TACR3: variants seen among roughly 807,000 people sequenced by gnomAD.
TACR3 encodes the protein neuromedin-K receptor.
A neutral mutation model predicts 35.0 loss-of-function variants in TACR3; 34 were observed. The observed-to-expected ratio is 0.97, with a 90% CI of 0.74 to 1.30. The LOEUF (loss-of-function observed/expected upper bound fraction) is 1.30. TACR3 is among the 50% of genes most tolerant of loss of function. The pLI is 0.00. For synonymous variants in TACR3, 233 were observed against 221.1 expected (o/e 1.05, Z -0.48); for missense variants, 558 against 591.7 (o/e 0.94, Z 0.59).
intron 3 of TACR3, among the ~76,000 whole-genome samples, chr4:103,650,671 TATATATTATATC>T (rs1725579025): frequency 6.2e-5 from 1 of 16,004 alleles, no homozygotes; most frequent in African/African-American, 3.3e-4. Context: ...TATAAATAAA[TATATATTATATC>T]ATATATAATA....
At chr4:103,639,296 A>G (rs551777078) in intron 3 of TACR3, among the ~76,000 whole-genome samples, 7 of 152,256 alleles carry the variant, frequency 4.6e-5, no homozygotes, top group African/African-American at 1.7e-4. Flanking sequence ...TTGTAGTGAC[A>G]TGGATGAAAC....
intron 3 of TACR3, among the ~76,000 whole-genome samples, chr4:103,623,441 C>A (rs3796976): frequency 0.2 from 30,517 of 151,800 alleles, 3,389 homozygotes; most frequent in East Asian, 0.29. Context: ...TATTTTATGG[C>A]AAAATTTATT....
intron 3 of TACR3, among the ~76,000 whole-genome samples, chr4:103,601,333 C>A (rs951465425): frequency 6.6e-6 from 1 of 151,120 alleles, no homozygotes; most frequent in African/African-American, 2.5e-5. Flanking sequence ...GGTCTTGACG[C>A]TATCCAATTT....
In TACR3 at chr4:103,719,283, G is replaced by A. The variant is rs200691126; in HGVS notation, c.393C>T (p.Asp131=). The A allele has an allele frequency of 8.1e-6, 13 of 1,614,234 alleles. No individual in the cohort carries two copies. The South Asian group carries it at 1.4e-4, about 18-fold the overall frequency. Residue 131 remains aspartate (D), a synonymous_variant, in exon 1 of 5, where the codon GAC becomes GAT. Transcript: ENST00000304883. ...NYFLVNLAFS[D]ASMAAFNTLV... is the part of the protein sequence containing the mutation. ...ACGTGTTGAAGGCGGCCATGGAGGC[G>A]TCGGAGAAAGCCAGGTTCACAAGGA...
chr4:103,689,424 T>A (rs1195255199), intron 1 of TACR3, among the ~76,000 whole-genome samples: 1 of 151,938 alleles, frequency 6.6e-6, no homozygotes, highest in African/African-American at 2.4e-5. Flanking sequence ...AAAAGCTTTT[T>A]AAAAATTAAT....
chr4:103,709,493 G>A (rs937413222), intron 1 of TACR3, among the ~76,000 whole-genome samples: 2 of 152,174 alleles, frequency 1.3e-5, no homozygotes, highest in African/African-American at 4.8e-5. Context: ...CCCTAAAAGA[G>A]CTCCTGAAGG....
At chr4:103,651,380 C>G (rs893170138) in intron 3 of TACR3, among the ~76,000 whole-genome samples, 9 of 151,784 alleles carry the variant, frequency 5.9e-5, no homozygotes, top group Admixed American at 1.3e-4. Flanking sequence ...TGCCACAGGC[C>G]TACAGGGAGT....
intron 1 of TACR3, among the ~76,000 whole-genome samples, chr4:103,688,424 T>A (rs536208075): frequency 1.8e-4 from 28 of 151,596 alleles, no homozygotes; most frequent in South Asian, 1.2e-3. Flanking sequence ...AAAGAGCTTC[T>A]GCACAGCAAA....
intron 3 of TACR3, among the ~76,000 whole-genome samples, chr4:103,606,350 A>T (rs1400669666): frequency 6.6e-6 from 1 of 152,098 alleles, no homozygotes; most frequent in African/African-American, 2.4e-5. Context: ...AGTTTTTTCC[A>T]ATTCTGTGAA....
At chr4:103,600,882 A>C (rs988588078) in intron 3 of TACR3, among the ~76,000 whole-genome samples, 1 of 152,110 alleles carries the variant, frequency 6.6e-6, no homozygotes, top group Admixed American at 6.6e-5. Context: ...ACTTCCAACT[A>C]TGTGGTCAGT....
At position 103,702,909 on chromosome 4, in the gene TACR3, G is replaced by C. The variant is rs1013506153; in HGVS notation, c.548+16219C>G. 9.3e-5 allele frequency among the ~76,000 whole-genome samples: 10 copies of C among 107,648 alleles called. No homozygotes were observed. In the Admixed American group the frequency reaches 1.1e-3, roughly 12 times the overall value. The allele number at this position is 107,648 out of a possible 152,430, so 70.6% of individuals were successfully genotyped here. ...CACACTGGGACCTGTTGTGGGGTGG[G>C]GGGAGGGGGGAGGGATAGCATTAGG... On this transcript the variant is annotated intron_variant, in intron 1 of 4. Coordinates refer to ENST00000304883, the MANE Select transcript of TACR3 (RefSeq NM_001059.3).
chr4:103,690,169 A>G (rs987651384), intron 1 of TACR3, among the ~76,000 whole-genome samples: 3 of 152,178 alleles, frequency 2.0e-5, no homozygotes, highest in Non-Finnish European at 2.9e-5. Context: ...TGCCTTAAGT[A>G]TATACTAAAG....
intron 3 of TACR3, among the ~76,000 whole-genome samples, chr4:103,592,543 G>T (rs1226684943): frequency 2.0e-5 from 3 of 152,156 alleles, no homozygotes; most frequent in South Asian, 4.1e-4. Context: ...TATAGCTGGA[G>T]ATAAATATAT....
chr4:103,697,410 A>G (rs143514062), intron 1 of TACR3, among the ~76,000 whole-genome samples: 1,580 of 141,756 alleles, frequency 0.011, 32 homozygotes, highest in African/African-American at 0.036. Flanking sequence ...TTGTTTATTT[A>G]TTTATTTATT....
chr4:103,717,430 T>A (rs193151353), intron 1 of TACR3, among the ~76,000 whole-genome samples: 1 of 152,196 alleles, frequency 6.6e-6, no homozygotes, highest in African/African-American at 2.4e-5. Flanking sequence ...TTCAAACCAA[T>A]GACTGTAATA....
intron 3 of TACR3, among the ~76,000 whole-genome samples, chr4:103,609,383 T>C (rs1056626478): frequency 6.6e-6 from 1 of 152,026 alleles, no homozygotes; most frequent in Non-Finnish European, 1.5e-5. Flanking sequence ...ATATCAGCAA[T>C]GCAAAAAGAA....
chr4:103,608,337 A>G (rs1244693954), intron 3 of TACR3, among the ~76,000 whole-genome samples: 1 of 152,118 alleles, frequency 6.6e-6, no homozygotes, highest in Non-Finnish European at 1.5e-5. Context: ...GTTCTCACTT[A>G]TAAGTGGAAG....
intron 3 of TACR3, among the ~76,000 whole-genome samples, chr4:103,640,241 T>C (rs1309859611): frequency 6.6e-6 from 1 of 152,090 alleles, no homozygotes; most frequent in Non-Finnish European, 1.5e-5. Flanking sequence ...TTATAAAATA[T>C]TGCAAAGATA....
At chr4:103,700,735 G>T (rs1722630800) in intron 1 of TACR3, among the ~76,000 whole-genome samples, 1 of 152,126 alleles carries the variant, frequency 6.6e-6, no homozygotes, top group Non-Finnish European at 1.5e-5. Flanking sequence ...GGGATGCAAG[G>T]CTGGTTCAAC....
Sources: allele counts gnomAD v4.1 joint callset (sites outside exome capture counted in the v4.1 genomes callset), GRCh38; gene constraint gnomAD v4.1.1; transcripts MANE v1.5; gene names NCBI Gene and HGNC (gene_info 2026-07-23, HGNC 2026-07-21).